MGAT4C: variants seen among roughly 807,000 people sequenced by gnomAD.
MGAT4C encodes the protein alpha-1,3-mannosyl-glycoprotein 4-beta-N-acetylglucosaminyltransferase C.
MGAT4C carries 19 observed loss-of-function variants against 40.1 expected under a neutral mutation model. The observed-to-expected ratio is 0.47, with a 90% CI of 0.33 to 0.70. MGAT4C has a LOEUF of 0.70. MGAT4C is among the 30% of genes least tolerant of loss of function. The pLI, the probability that MGAT4C is intolerant of heterozygous loss-of-function variation, is 0.02. For missense variants in MGAT4C, 491 were observed against 563.2 expected, an observed-to-expected ratio of 0.87 and a Z score of 1.30; for synonymous variants, 181 against 187.1, an observed-to-expected ratio of 0.97 and a Z score of 0.27.
At chr12:86,736,013 A>G (rs1950980307) in intron 1 of MGAT4C, among the ~76,000 whole-genome samples, 1 of 151,818 alleles carries the variant, frequency 6.6e-6, no homozygotes. Context: ...TTCTATAAAA[A>G]GCCTCTCTCT....
At chr12:86,079,937 CCTCT>C (rs551624484) in intron 1 of MGAT4C, among the ~76,000 whole-genome samples, 1 of 150,302 alleles carries the variant, frequency 6.7e-6, no homozygotes, top group Non-Finnish European at 1.5e-5. Context: ...TTTAGCTAGG[CCTCT>C]CTCTCTCTCT....
intron 2 of MGAT4C, among the ~76,000 whole-genome samples, chr12:86,644,881 C>T (rs890695252): frequency 1.3e-5 from 2 of 151,672 alleles, no homozygotes; most frequent in African/African-American, 4.8e-5. Context: ...CATTTATTTA[C>T]TAGAAGAGAA....
At chr12:86,741,035 T>A (rs1951060374) in intron 1 of MGAT4C, among the ~76,000 whole-genome samples, 1 of 150,988 alleles carries the variant, frequency 6.6e-6, no homozygotes, top group Non-Finnish European at 1.5e-5. Context: ...CATTGTCTAT[T>A]GTTCTCATCA....
At chr12:86,168,773 T>C (rs1011481007) in intron 1 of MGAT4C, among the ~76,000 whole-genome samples, 1 of 152,122 alleles carries the variant, frequency 6.6e-6, no homozygotes, top group Non-Finnish European at 1.5e-5. Flanking sequence ...ATGTGAGAAT[T>C]TAGTAAATAC....
At chr12:86,588,355 A>G (rs1228396952) in intron 2 of MGAT4C, among the ~76,000 whole-genome samples, 5 of 152,038 alleles carry the variant, frequency 3.3e-5, no homozygotes, top group Non-Finnish European at 7.4e-5. Context: ...AGAGCTAACT[A>G]TCCTAAATAT....
chr12:86,595,022 C>T (rs1961478325), intron 2 of MGAT4C, among the ~76,000 whole-genome samples: 1 of 152,098 alleles, frequency 6.6e-6, no homozygotes, highest in Non-Finnish European at 1.5e-5. Flanking sequence ...AGGTTATTTC[C>T]TTATGATTTA....
At position 86,174,595 on chromosome 12, in the gene MGAT4C, C is replaced by T. The variant is rs866816769; in HGVS notation, c.-57+81644G>A. The stretch of plus-strand genomic sequence containing the variant: ...TTATTTAAGGTTCTACCATTTATTG[C>T]TCTCTTCTATTTTTATGGCTTTAGT... On this transcript the variant is annotated intron_variant, in intron 1 of 4. Coordinates refer to ENST00000611864, the MANE Select transcript of MGAT4C (RefSeq NM_001351288.2). 9.3e-4 allele frequency among the ~76,000 whole-genome samples: 141 copies of T among 152,188 alleles called. 1 individual carries two copies. The highest frequency in any genetic ancestry group is 3.3e-3 in the African/African-American group (138 of 41,556).
intron 2 of MGAT4C, among the ~76,000 whole-genome samples, chr12:86,679,277 GT>G (rs1195278896): frequency 2.6e-5 from 4 of 151,928 alleles, no homozygotes; most frequent in Non-Finnish European, 5.9e-5. Context: ...TGATGGGTTT[GT>G]TTTTTTCTTG....
chr12:86,350,680 A>C (rs1955137615), intron 3 of MGAT4C, among the ~76,000 whole-genome samples: 1 of 152,186 alleles, frequency 6.6e-6, no homozygotes, highest in African/African-American at 2.4e-5. Flanking sequence ...CACAAGCAAC[A>C]CATTGTAAAC....
At chr12:86,792,044 G>A (rs1450576203) in intron 1 of MGAT4C, among the ~76,000 whole-genome samples, 2 of 152,116 alleles carry the variant, frequency 1.3e-5, no homozygotes, top group African/African-American at 4.8e-5. Context: ...GTACTTACAG[G>A]TGTACAACGT....
chr12:86,553,169 G>C (rs1160971175), intron 2 of MGAT4C, among the ~76,000 whole-genome samples: 1 of 152,046 alleles, frequency 6.6e-6, no homozygotes. Flanking sequence ...TGGCAATAAA[G>C]TTGCAGTCCA....
chr12:86,721,620 A>G (rs1402041010), intron 2 of MGAT4C, among the ~76,000 whole-genome samples: 1 of 152,136 alleles, frequency 6.6e-6, no homozygotes, highest in East Asian at 1.9e-4. Context: ...TTACATTACA[A>G]AGTCCCTTAG....
At chr12:86,082,333 T>C (rs1301781303) in intron 1 of MGAT4C, among the ~76,000 whole-genome samples, 1 of 152,164 alleles carries the variant, frequency 6.6e-6, no homozygotes, top group East Asian at 1.9e-4. Context: ...AATCTTACGG[T>C]TCTTTTTAGC....
chr12:86,214,009 C>T (rs764950181), intron 1 of MGAT4C, among the ~76,000 whole-genome samples: 2 of 152,224 alleles, frequency 1.3e-5, no homozygotes, highest in African/African-American at 4.8e-5. Context: ...TTGCATCACT[C>T]TTTAAGTTAT....
chr12:86,186,353 T>G (rs906313565), intron 1 of MGAT4C, among the ~76,000 whole-genome samples: 3 of 152,184 alleles, frequency 2.0e-5, no homozygotes, highest in African/African-American at 7.2e-5. Flanking sequence ...ATAACTGACA[T>G]GCTGAGGTCA....
At chr12:86,613,471 G>T (rs1414724318) in intron 2 of MGAT4C, among the ~76,000 whole-genome samples, 1 of 152,108 alleles carries the variant, frequency 6.6e-6, no homozygotes, top group Non-Finnish European at 1.5e-5. Context: ...TGAGGCTGTT[G>T]TATACATGTC....
At chr12:86,235,378 G>A (rs147075545) in intron 1 of MGAT4C, among the ~76,000 whole-genome samples, 2 of 152,106 alleles carry the variant, frequency 1.3e-5, no homozygotes, top group African/African-American at 4.8e-5. Context: ...AAATATAAAT[G>A]TATTCATGTC....
intron 1 of MGAT4C, among the ~76,000 whole-genome samples, chr12:86,154,332 T>C (rs551308195): frequency 5.8e-4 from 89 of 152,210 alleles, no homozygotes; most frequent in African/African-American, 2.0e-3. Context: ...AAATGAGATG[T>C]TCGTTAATGC....
At chr12:86,274,954 G>T (rs1471871061) in intron 4 of MGAT4C, among the ~76,000 whole-genome samples, 1 of 152,166 alleles carries the variant, frequency 6.6e-6, no homozygotes, top group East Asian at 1.9e-4. Context: ...TGCAAAGATT[G>T]GCTGAAGGGT....
Sources: allele counts gnomAD v4.1 joint callset (sites outside exome capture counted in the v4.1 genomes callset), GRCh38; gene constraint gnomAD v4.1.1; transcripts MANE v1.5; gene names NCBI Gene and HGNC (gene_info 2026-07-23, HGNC 2026-07-21).